Variants in LRRC37A2 observed in about 807,000 individuals in gnomAD.
LRRC37A2 encodes leucine rich repeat containing 37 member A2, also known as leucine-rich repeat-containing protein 37A2.
Under a neutral mutation model 68.8 loss-of-function variants are expected in LRRC37A2, and 9 were observed. That is an observed-to-expected ratio of 0.13 (90% CI 0.08 to 0.23). LRRC37A2 has a LOEUF of 0.23. Ranked by LOEUF, LRRC37A2 falls within the 10% of genes least tolerant of loss-of-function variation. The probability of loss-of-function intolerance (pLI) is 1.00; values close to 1 mark genes in which losing one functional copy is unlikely to be tolerated. For synonymous variants in LRRC37A2, 63 were observed against 367.6 expected, an observed-to-expected ratio of 0.17 and a Z score of 9.48; for missense variants, 168 against 950.4, an observed-to-expected ratio of 0.18 and a Z score of 10.82.
the LRRC37A2 span, among the ~76,000 whole-genome samples, chr17:46,765,993 C>T: frequency 9.2e-5 from 14 of 152,140 alleles, no homozygotes; most frequent in African/African-American, 9.7e-5. Context: ...GAAGGGGTTC[C>T]GGGTAGGAAC....
the LRRC37A2 span, among the ~76,000 whole-genome samples, chr17:46,491,286 C>T: frequency 6.6e-6 from 1 of 150,516 alleles, no homozygotes; most frequent in Non-Finnish European, 1.5e-5. Context: ...CTTATTTAAT[C>T]TTTAATTTGT....
the LRRC37A2 span, among the ~76,000 whole-genome samples, chr17:46,496,625 A>AAAC: frequency 7.5e-5 from 9 of 120,314 alleles, no homozygotes; most frequent in South Asian, 5.3e-4. Flanking sequence ...AAAAAACAAA[A>AAAC]CAAAACAGGC....
chr17:46,787,248 A>G, the LRRC37A2 span, among the ~76,000 whole-genome samples: 1 of 141,246 alleles, frequency 7.1e-6, no homozygotes, highest in Non-Finnish European at 1.5e-5. Context: ...GCCAATAAAG[A>G]CCTGTTGAAG....
At chr17:46,799,789 G>A in the LRRC37A2 span, among the ~76,000 whole-genome samples, 1,020 of 152,212 alleles carry the variant, frequency 6.7e-3, 9 homozygotes, top group African/African-American at 0.023. Context: ...CAACTACCTT[G>A]AGATCATATT....
chr17:46,948,358 G>A, the LRRC37A2 span, among the ~76,000 whole-genome samples: 1 of 152,202 alleles, frequency 6.6e-6, no homozygotes. Flanking sequence ...ATAGGACCCA[G>A]GTCTGATCCC....
the LRRC37A2 span, among the ~76,000 whole-genome samples, chr17:46,967,480 A>C: frequency 6.6e-6 from 1 of 152,222 alleles, no homozygotes; most frequent in African/African-American, 2.4e-5. Context: ...GTGAGGTTGT[A>C]CTTGAGCTTG....
At chr17:46,710,202 CTATT>C in the LRRC37A2 span, among the ~76,000 whole-genome samples, 1 of 151,998 alleles carries the variant, frequency 6.6e-6, no homozygotes, top group African/African-American at 2.4e-5. Context: ...TTATGTTTTC[CTATT>C]TATTCTGTTA....
At chr17:46,928,969 G>T in the LRRC37A2 span, among the ~76,000 whole-genome samples, 1 of 152,040 alleles carries the variant, frequency 6.6e-6, no homozygotes, top group Admixed American at 6.5e-5. Context: ...CCCTCTTTCT[G>T]TTTGTTTATA....
the LRRC37A2 span, among the ~76,000 whole-genome samples, chr17:46,581,215 CTT>C: frequency 7.7e-4 from 1 of 1,300 alleles, no homozygotes; most frequent in African/African-American, 8.4e-4. Context: ...TTTCTTTTTC[CTT>C]TTTTTTTTTT....
chr17:46,896,436 AAG>A, the LRRC37A2 span, among the ~76,000 whole-genome samples: 567 of 94,442 alleles, frequency 6.0e-3, 2 homozygotes, highest in African/African-American at 0.022. Context: ...GAAAGAAAGA[AAG>A]AAAGAAAGAA....
the LRRC37A2 span, among the ~76,000 whole-genome samples, chr17:46,671,823 G>A: frequency 7.2e-6 from 1 of 138,166 alleles, no homozygotes; most frequent in South Asian, 2.2e-4. Flanking sequence ...AAGCATAGTT[G>A]CAAAGTTAAG....
the LRRC37A2 span, among the ~76,000 whole-genome samples, chr17:46,990,260 C>T: frequency 4.6e-5 from 7 of 152,198 alleles, no homozygotes; most frequent in Non-Finnish European, 8.8e-5. Flanking sequence ...GAACCCTGGA[C>T]GCTCCTGTAG....
chr17:46,755,612 G>A, the LRRC37A2 span: 1 of 712,096 alleles, frequency 1.4e-6, no homozygotes. Flanking sequence ...ATATTTATTG[G>A]AACCTGCTTT....
chr17:46,855,069 G>A, the LRRC37A2 span, among the ~76,000 whole-genome samples: 1 of 151,062 alleles, frequency 6.6e-6, no homozygotes, highest in Admixed American at 6.6e-5. Flanking sequence ...AGGTCAGAAA[G>A]GTTCAGTCAG....
At chr17:46,994,051 C>G in the LRRC37A2 span, among the ~76,000 whole-genome samples, 1 of 152,200 alleles carries the variant, frequency 6.6e-6, no homozygotes, top group African/African-American at 2.4e-5. Context: ...TGGTTCTCAA[C>G]ATTGACTATA....
chr17:46,973,829 C>T, the LRRC37A2 span, among the ~76,000 whole-genome samples: 1 of 152,180 alleles, frequency 6.6e-6, no homozygotes, highest in Admixed American at 6.5e-5. Context: ...CACATGTGTA[C>T]ACGTATACCT....
the LRRC37A2 span, among the ~76,000 whole-genome samples, chr17:46,889,202 G>A: frequency 6.6e-6 from 1 of 152,126 alleles, no homozygotes. Flanking sequence ...GGGGCCAGAT[G>A]GTCAGGAGTT....
At chr17:46,388,431 G>A in the LRRC37A2 span, among the ~76,000 whole-genome samples, 1 of 61,042 alleles carries the variant, frequency 1.6e-5, no homozygotes, top group Non-Finnish European at 4.4e-5. Context: ...GTGTGGTGGC[G>A]CATGCCTGTA....
At chr17:46,877,113 G>A in the LRRC37A2 span, 7 of 1,025,638 alleles carry the variant, frequency 6.8e-6, no homozygotes, top group Non-Finnish European at 8.2e-6. Context: ...GAGGTGAACT[G>A]CTGGGCTAGG....
Sources: gnomAD v4.1 joint callset for allele counts (sites outside exome capture counted in the v4.1 genomes callset) on GRCh38, gnomAD v4.1.1 for gene constraint, MANE v1.5 for transcripts, NCBI Gene and HGNC (gene_info 2026-07-23, HGNC 2026-07-21) for gene names.